KCNQ1OT1: variants seen among roughly 807,000 people sequenced by gnomAD.
The protein encoded by KCNQ1OT1 is KCNQ1 antisense RNA 2 (non-protein coding).
chr11:2,655,505 C>A, exon 1 of KCNQ1OT1: 1 of 398,666 alleles, frequency 2.5e-6, no homozygotes, highest in Non-Finnish European at 4.4e-6. Flanking sequence ...AGATGAACTG[C>A]CCTTTCAAGT....
chr11:2,649,860 G>T (rs1849730711), exon 1 of KCNQ1OT1: 3 of 398,196 alleles, frequency 7.5e-6, no homozygotes, highest in Non-Finnish European at 1.3e-5. Context: ...GCAGTTTTCA[G>T]GTATTATCTT....
chr11:2,633,955 G>C (rs1849406529), exon 1 of KCNQ1OT1: 1 of 398,318 alleles, frequency 2.5e-6, no homozygotes, highest in South Asian at 1.3e-4. Context: ...ACGTATAAAT[G>C]AACCTATACA....
In KCNQ1OT1 at chr11:2,652,924, G is replaced by A. The variant is rs1849779607; in HGVS notation, n.47071C>T. ...CTCAGTATCCTAAACTTAGGTTTTG[G>A]AAAGCCCAGCATCCTCCCTGGGACT... On this transcript the variant is annotated non_coding_transcript_exon_variant, in exon 1 of 1. Transcript: ENST00000597346. This position sits in a 1 kb window ranked among gnomAD's most constrained non-coding sequence, Gnocchi z 5.9. The A allele has an allele frequency of 2.5e-6, 1 of 398,530 alleles. No homozygotes were observed. Among genetic ancestry groups the A allele is most frequent in the Non-Finnish European group, 4.4e-6 (1 of 226,112 alleles). The allele number at this position is 398,530 out of a possible 1,614,324, so 24.7% of individuals were successfully genotyped here. A position where few individuals can be genotyped will look rare whatever the true frequency, so the allele number is the denominator to read the frequency against.
chr11:2,699,663 C>CGGGGACAACCGCGCCGAAGAACCCCT (rs1192073791), exon 1 of KCNQ1OT1: 4 of 355,484 alleles, frequency 1.1e-5, no homozygotes, highest in East Asian at 4.4e-5. Context: ...GAAGAACCCC[C>CGGGGACAACCGCGCCGAAGAACCCCT]GGGGAGAACC....
At chr11:2,692,591 T>C in exon 1 of KCNQ1OT1, 1 of 398,760 alleles carries the variant, frequency 2.5e-6, no homozygotes, top group Non-Finnish European at 4.4e-6. Context: ...GACCCCAGGC[T>C]AGTTCCAGTG....
At chr11:2,648,981 C>CTTTTTTTTTTTTTTTTTTTTTTTCTTTT in exon 1 of KCNQ1OT1, 14 of 213,306 alleles carry the variant, frequency 6.6e-5, no homozygotes, top group South Asian at 2.8e-4. Flanking sequence ...TTTTCTTTTT[C>CTTTTTTTTTTTTTTTTTTTTTTTCTTTT]TTTTTTTTTT....
Position 2,661,856 on chromosome 11 carries a change from C to A in KCNQ1OT1, n.38139G>T. The A allele has an allele frequency of 2.8e-6, 4 of 1,436,224 alleles. No individual in the cohort carries two copies. The highest frequency in any genetic ancestry group is 3.9e-6 in the Non-Finnish European group (4 of 1,022,072). The allele number at this position is 1,436,224 out of a possible 1,614,324, so 89.0% of individuals were successfully genotyped here. On this transcript the variant is annotated non_coding_transcript_exon_variant, in exon 1 of 1. Coordinates refer to ENST00000597346, the Ensembl canonical transcript of KCNQ1OT1. The surrounding 1 kb of genome is among the most constrained non-coding windows in gnomAD (Gnocchi z 5.9). Reference sequence around the variant, plus strand: ...TTGTCAGGGCTGGAGCTTCCAGGCACAAGCTCCACTCCTCACCTGGCCCTG... The same window carrying A: ...TTGTCAGGGCTGGAGCTTCCAGGCAAAAGCTCCACTCCTCACCTGGCCCTG...
chr11:2,614,878 T>A (rs1849036689), exon 1 of KCNQ1OT1: 1 of 398,158 alleles, frequency 2.5e-6, no homozygotes, highest in Non-Finnish European at 4.4e-6. Context: ...TTTGGGGCCC[T>A]GGGAAAATTC....
Position 2,624,882 on chromosome 11 carries a change from T to G in KCNQ1OT1, n.75113A>C, listed in dbSNP as rs1849239071. On this transcript the variant is annotated non_coding_transcript_exon_variant, in exon 1 of 1. Coordinates refer to ENST00000597346, the Ensembl canonical transcript of KCNQ1OT1. This position sits in a 1 kb window ranked among gnomAD's most constrained non-coding sequence, Gnocchi z 4.9. ...CTGTATTTCATTTAACATAATGGCC[T>G]CGAGGTTCATCCATGTTGTGGCATG... is the stretch of plus-strand genomic sequence containing the variant. 5.0e-6 allele frequency: 2 copies of G among 398,614 alleles called. No homozygotes were observed. The allele number at this position is 398,614 out of a possible 1,614,324, so 24.7% of individuals were successfully genotyped here. A position where few individuals can be genotyped will look rare whatever the true frequency, so the allele number is the denominator to read the frequency against.
Position 2,674,679 on chromosome 11 carries a change from T to C in KCNQ1OT1, n.25316A>G, listed in dbSNP as rs1202234668. 1.3e-5 allele frequency: 5 copies of C among 398,396 alleles called. No individual in the cohort carries two copies. Among genetic ancestry groups the C allele is most frequent in the Non-Finnish European group, 2.2e-5 (5 of 226,056 alleles). The allele number at this position is 398,396 out of a possible 1,614,324, so 24.7% of individuals were successfully genotyped here. A position where few individuals can be genotyped will look rare whatever the true frequency, so the allele number is the denominator to read the frequency against. ...CTTTTTGCAAAATAATTTGAAAAGT[T>C]TGTTGAACCTTAAACCTTTCCTGAT... On this transcript the variant is annotated non_coding_transcript_exon_variant, in exon 1 of 1. Transcript: ENST00000597346. This position sits in a 1 kb window ranked among gnomAD's most constrained non-coding sequence, Gnocchi z 5.9.
chr11:2,642,712 T>G lies in KCNQ1OT1; in HGVS notation n.57283A>C. The G allele has an allele frequency of 2.5e-6, 1 of 397,900 alleles. No individual in the cohort carries two copies. Among genetic ancestry groups the G allele is most frequent in the South Asian group, 1.3e-4 (1 of 7,858 alleles). 24.6% of individuals were successfully genotyped at this position (397,900 alleles called of 1,614,324 possible). ...TTCCTTCTACTAATTTTATGTTTAGTATGGTTTGTTCTTGCTTTTCTGGTT... is the reference window on the plus strand; with the variant it reads ...TTCCTTCTACTAATTTTATGTTTAGGATGGTTTGTTCTTGCTTTTCTGGTT... On this transcript the variant is annotated non_coding_transcript_exon_variant, in exon 1 of 1. Transcript: ENST00000597346. This position sits in a 1 kb window ranked among gnomAD's most constrained non-coding sequence, Gnocchi z 4.3.
Position 2,676,063 on chromosome 11 carries a change from T to C in KCNQ1OT1, n.23932A>G, listed in dbSNP as rs1850288020. 1 of 398,550 alleles carries C rather than the reference T, an allele frequency of 2.5e-6. No individual in the cohort carries two copies. 24.7% of individuals were successfully genotyped at this position (398,550 alleles called of 1,614,324 possible). A position where few individuals can be genotyped will look rare whatever the true frequency, so the allele number is the denominator to read the frequency against. On this transcript the variant is annotated non_coding_transcript_exon_variant, in exon 1 of 1. Transcript: ENST00000597346. This position sits in a 1 kb window ranked among gnomAD's most constrained non-coding sequence, Gnocchi z 4.2. ...TTCCTATTGCATCTTTCCAGACGTATTTTATATAAACAAATATACGTGTGT... is the reference window on the plus strand; with the variant it reads ...TTCCTATTGCATCTTTCCAGACGTACTTTATATAAACAAATATACGTGTGT...
chr11:2,656,013 C>T, exon 1 of KCNQ1OT1: 1 of 398,624 alleles, frequency 2.5e-6, no homozygotes, highest in East Asian at 3.6e-5. Flanking sequence ...CCTAAAACAC[C>T]AGGACAGAAC....
At chr11:2,628,701 A>T (rs1308366046) in exon 1 of KCNQ1OT1, 2 of 398,406 alleles carry the variant, frequency 5.0e-6, no homozygotes. Flanking sequence ...CATCTAAAAA[A>T]TTGTCACAAA....
Position 2,698,080 on chromosome 11 carries a change from G to T in KCNQ1OT1, n.1915C>A. The stretch of plus-strand genomic sequence containing the variant: ...ATCCTGCCTGCCTGCTTTCCTTCAA[G>T]TACTGACTGAGTAAGGCTGTGTATC... On this transcript the variant is annotated non_coding_transcript_exon_variant, in exon 1 of 1. Coordinates refer to ENST00000597346, the Ensembl canonical transcript of KCNQ1OT1. The surrounding 1 kb of genome is among the most constrained non-coding windows in gnomAD (Gnocchi z 5.1). 1 of 398,630 alleles carries T rather than the reference G, an allele frequency of 2.5e-6. No individual in the cohort carries two copies. The highest frequency in any genetic ancestry group is 4.4e-6 in the Non-Finnish European group (1 of 226,068). 24.7% of individuals were successfully genotyped at this position (398,630 alleles called of 1,614,324 possible).
At chr11:2,619,297 C>T (rs1041004747) in exon 1 of KCNQ1OT1, 9 of 398,322 alleles carry the variant, frequency 2.3e-5, no homozygotes, top group Middle Eastern at 6.2e-4. Context: ...TTGATTATAA[C>T]GTTAGCTGTG....
At chr11:2,616,042 T>C (rs1849058380) in exon 1 of KCNQ1OT1, 4 of 398,070 alleles carry the variant, frequency 1.0e-5, no homozygotes, top group African/African-American at 2.1e-5. Context: ...CTACTTGTTA[T>C]GGGTCTGCTC....
exon 1 of KCNQ1OT1, chr11:2,631,643 T>C (rs1849354759): frequency 5.0e-6 from 2 of 398,600 alleles, no homozygotes; most frequent in Non-Finnish European, 8.8e-6. Context: ...CCTTGGTTTT[T>C]CTGTTTCTTG....
At chr11:2,655,223 G>A (rs187563226) in exon 1 of KCNQ1OT1, 5 of 398,654 alleles carry the variant, frequency 1.3e-5, no homozygotes, top group South Asian at 2.5e-4. Context: ...TAGTCGCCAC[G>A]CCCGAGGCTG....
Sources: allele counts gnomAD v4.1 joint callset, GRCh38; gene constraint gnomAD v4.1.1; non-coding constraint Gnocchi (gnomAD v3.1); transcripts MANE v1.5; gene names NCBI Gene and HGNC (gene_info 2026-07-23, HGNC 2026-07-21).